Variants in APPBP2 observed in about 807,000 individuals in gnomAD.
The protein encoded by APPBP2 is amyloid beta precursor protein binding protein 2.
In APPBP2, 15 loss-of-function variants were observed where a neutral mutation model predicts 76.0. The ratio of observed to expected loss-of-function variants is 0.20; its 90% CI spans 0.13 to 0.30. APPBP2 has a LOEUF of 0.30. Among genes scored for constraint, APPBP2 ranks in the 10% least tolerant of loss-of-function variants. The pLI is 1.00. For missense variants in APPBP2, 401 were observed against 687.2 expected (o/e 0.58, Z 4.66); for synonymous variants, 222 against 242.2 (o/e 0.92, Z 0.77).
chr17:60,449,106 GA>G lies in APPBP2; in HGVS notation c.1505-1273del, dbSNP rs375141660. Reference sequence around the variant, plus strand: ...GAAAATATACTACCTTCGGGCTAGAGAAAAAGGAAAACTGTAAACGAATATT... The same window carrying G: ...GAAAATATACTACCTTCGGGCTAGAGAAAAGGAAAACTGTAAACGAATATT... On this transcript the variant is annotated intron_variant, in intron 12 of 12. Coordinates refer to ENST00000083182, the MANE Select transcript of APPBP2 (RefSeq NM_006380.5). Among the ~76,000 whole-genome samples the G allele has an allele frequency of 5.6e-3, 855 of 152,288 alleles. 16 individuals are homozygous for G. Among genetic ancestry groups the G allele is most frequent in the African/African-American group, 0.019 (808 of 41,536 alleles).
chr17:60,454,837 C>CAG (rs2143296496), intron 10 of APPBP2, among the ~76,000 whole-genome samples: 1 of 152,290 alleles, frequency 6.6e-6, no homozygotes, highest in Non-Finnish European at 1.5e-5. Context: ...AGTCATGAAA[C>CAG]TGTGTCAAGG....
At chr17:60,509,500 T>A (rs1390452773) in intron 1 of APPBP2, among the ~76,000 whole-genome samples, 3 of 152,138 alleles carry the variant, frequency 2.0e-5, no homozygotes, top group Admixed American at 2.0e-4. Flanking sequence ...GTTACTAAAA[T>A]ATTTCTAGAT....
intron 2 of APPBP2, 30 bp from the exon 3 acceptor site, chr17:60,494,647 G>C (rs1224853507): frequency 1.3e-6 from 2 of 1,541,920 alleles, no homozygotes; most frequent in South Asian, 1.2e-5. Flanking sequence ...TTATTTTATA[G>C]AGTTAATTTA....
rs939471885 is a variant in APPBP2, at chr17:60,526,222, C to T, written c.-291G>A. The T allele has an allele frequency of 3.7e-5, 13 of 349,990 alleles. No homozygotes were observed. Among genetic ancestry groups the T allele is most frequent in the South Asian group, 1.5e-4 (5 of 33,074 alleles). 21.7% of individuals were successfully genotyped at this position (349,990 alleles called of 1,614,324 possible). ...GGTTCCGTCCCAGCGCTGATCTCTGCAGGGGCGGGGCTGCGTGTGCGGCGT... is the reference window on the plus strand; with the variant it reads ...GGTTCCGTCCCAGCGCTGATCTCTGTAGGGGCGGGGCTGCGTGTGCGGCGT... On this transcript the variant is annotated 5_prime_UTR_variant, in exon 1 of 13. Coordinates refer to ENST00000083182, the MANE Select transcript of APPBP2 (RefSeq NM_006380.5).
intron 3 of APPBP2, among the ~76,000 whole-genome samples, chr17:60,488,063 T>C (rs900345723): frequency 2.6e-5 from 4 of 152,220 alleles, no homozygotes; most frequent in Admixed American, 6.5e-5. Flanking sequence ...ACAGCAAATA[T>C]TGCTGCCTGA....
rs371270078 is a variant in APPBP2 at position 60,509,335 on chromosome 17, C to T, written c.139-8848G>A. On this transcript the variant is annotated intron_variant, in intron 1 of 12. Transcript: ENST00000083182. ...CGGAGGTTGTAGTGAGCCGAGATTG[C>T]GCCACTGCACTCCAACCTGGGCGAC... 1.5e-3 allele frequency among the ~76,000 whole-genome samples: 223 copies of T among 151,546 alleles called. 1 individual carries two copies. Among genetic ancestry groups the T allele is most frequent in the African/African-American group, 4.8e-3 (200 of 41,312 alleles).
At chr17:60,497,101 G>A (rs2090782023) in intron 2 of APPBP2, among the ~76,000 whole-genome samples, 1 of 152,130 alleles carries the variant, frequency 6.6e-6, no homozygotes. Flanking sequence ...CCTACTCACT[G>A]CTATGGCCCC....
At chr17:60,483,643 T>C (rs970938117) in intron 3 of APPBP2, among the ~76,000 whole-genome samples, 2 of 152,188 alleles carry the variant, frequency 1.3e-5, no homozygotes, top group Non-Finnish European at 2.9e-5. Flanking sequence ...TCCGCTCGCC[T>C]CGGCCTCCCA....
intron 3 of APPBP2, among the ~76,000 whole-genome samples, chr17:60,479,994 C>A (rs149594457): frequency 6.6e-6 from 1 of 152,166 alleles, no homozygotes; most frequent in Non-Finnish European, 1.5e-5. Flanking sequence ...TTCAGATGCA[C>A]ACAATGTGAC....
chr17:60,516,027 G>A (rs997025488), intron 1 of APPBP2, among the ~76,000 whole-genome samples: 3 of 152,166 alleles, frequency 2.0e-5, no homozygotes, highest in African/African-American at 2.4e-5. Context: ...TTAGCCAGGT[G>A]TGGTGGCACG....
chr17:60,471,402 G>C (rs2090551670), intron 4 of APPBP2, among the ~76,000 whole-genome samples: 1 of 152,046 alleles, frequency 6.6e-6, no homozygotes, highest in South Asian at 2.1e-4. Flanking sequence ...TGATCCTATG[G>C]GGGAAGCTTC....
chr17:60,446,791 A>G lies in APPBP2; in HGVS notation c.*790T>C, dbSNP rs372517290. 1 of 152,244 alleles carries G rather than the reference A, an allele frequency of 6.6e-6. No homozygotes were observed. The highest frequency in any genetic ancestry group is 1.5e-5 in the Non-Finnish European group (1 of 68,048). 9.4% of individuals were successfully genotyped at this position (152,244 alleles called of 1,614,324 possible). On this transcript the variant is annotated 3_prime_UTR_variant, in exon 13 of 13. Coordinates refer to ENST00000083182, the MANE Select transcript of APPBP2 (RefSeq NM_006380.5). Reference sequence around the variant, plus strand: ...ATGAAATCATTCTACTGATAAAAGTATATGTAGGATCTAAAATAATAATCT... The same window carrying G: ...ATGAAATCATTCTACTGATAAAAGTGTATGTAGGATCTAAAATAATAATCT...
chr17:60,493,789 G>A (rs1021317904), intron 3 of APPBP2, among the ~76,000 whole-genome samples: 13 of 151,228 alleles, frequency 8.6e-5, no homozygotes, highest in African/African-American at 2.7e-4. Flanking sequence ...ACTGGCATGC[G>A]TCACCACACT....
At chr17:60,473,364 A>T (rs7211872) in intron 4 of APPBP2, among the ~76,000 whole-genome samples, 5 of 152,104 alleles carry the variant, frequency 3.3e-5, no homozygotes, top group Non-Finnish European at 5.9e-5. Flanking sequence ...ACTTTTACTC[A>T]TCCATTCTCC....
At chr17:60,482,628 C>T (rs1281515885) in intron 3 of APPBP2, among the ~76,000 whole-genome samples, 5 of 152,108 alleles carry the variant, frequency 3.3e-5, no homozygotes, top group Admixed American at 6.5e-5. Context: ...GGTTCCCTGC[C>T]CTGTGTCCAA....
At position 60,446,028 on chromosome 17, in the gene APPBP2, T is replaced by A. The variant is rs2090343845; in HGVS notation, c.*1553A>T. The stretch of plus-strand genomic sequence containing the variant: ...TCTGTACTCAATGTGGCAGACAGCT[T>A]AGATTTTTTTCCCCTCTCACCCAAC... On this transcript the variant is annotated 3_prime_UTR_variant, in exon 13 of 13. Coordinates refer to ENST00000083182, the MANE Select transcript of APPBP2 (RefSeq NM_006380.5). The A allele has an allele frequency of 6.6e-6, 1 of 152,168 alleles. No homozygotes were observed. Among genetic ancestry groups the A allele is most frequent in the South Asian group, 2.1e-4 (1 of 4,828 alleles). 9.4% of individuals were successfully genotyped at this position (152,168 alleles called of 1,614,324 possible).
chr17:60,519,168 G>A (rs2090988526), intron 1 of APPBP2, among the ~76,000 whole-genome samples: 2 of 151,776 alleles, frequency 1.3e-5, no homozygotes, highest in African/African-American at 4.8e-5. Context: ...TCCCTATGTT[G>A]CCCAGGCTGG....
At chr17:60,503,233 G>A (rs1482550730) in intron 1 of APPBP2, among the ~76,000 whole-genome samples, 1 of 145,420 alleles carries the variant, frequency 6.9e-6, no homozygotes, top group Non-Finnish European at 1.5e-5. Flanking sequence ...GGATGGTCTC[G>A]ATTTCTTGAC....
chr17:60,448,036 T>G (rs1333214209), intron 12 of APPBP2, among the ~76,000 whole-genome samples: 1 of 152,172 alleles, frequency 6.6e-6, no homozygotes, highest in East Asian at 1.9e-4. Flanking sequence ...AAAAAAATTT[T>G]CTCGTCTAAA....
Sources: gnomAD v4.1 joint callset for allele counts (sites outside exome capture counted in the v4.1 genomes callset) on GRCh38, gnomAD v4.1.1 for gene constraint, MANE v1.5 for transcripts, NCBI Gene and HGNC (gene_info 2026-07-23, HGNC 2026-07-21) for gene names.